TMPRSS11A: variants seen among roughly 807,000 people sequenced by gnomAD.
TMPRSS11A encodes transmembrane protease serine 11A.
A neutral mutation model predicts 58.9 loss-of-function variants in TMPRSS11A; 53 were observed. That is an observed-to-expected ratio of 0.90 (90% confidence interval 0.72 to 1.13). TMPRSS11A has a LOEUF of 1.13. TMPRSS11A is among the 50% of genes most tolerant of loss of function. The pLI is 0.00. For synonymous variants in TMPRSS11A, 167 were observed against 169.8 expected (o/e 0.98, Z 0.13); for missense variants, 493 against 499.3 (o/e 0.99, Z 0.12).
chr4:67,950,584 A>T (rs1721131648), intron 1 of TMPRSS11A, among the ~76,000 whole-genome samples: 1 of 152,214 alleles, frequency 6.6e-6, no homozygotes, highest in African/African-American at 2.4e-5. Context: ...AATAATTGGG[A>T]TAAAGTCTAT....
chr4:67,919,349 T>A (rs1720257611), intron 7 of TMPRSS11A, 117 bp from the exon 8 acceptor site: 2 of 923,272 alleles, frequency 2.2e-6, no homozygotes, highest in African/African-American at 3.3e-5. Flanking sequence ...TTGGCTGCAG[T>A]TATAGTTTTC....
intron 3 of TMPRSS11A, among the ~76,000 whole-genome samples, chr4:67,944,237 C>A (rs762753744): frequency 5.9e-5 from 9 of 152,054 alleles, no homozygotes; most frequent in Non-Finnish European, 1.0e-4. Flanking sequence ...GCTAGGATAT[C>A]TTGGCCTCAA....
chr4:67,961,397 CT>C (rs1174391743), intron 1 of TMPRSS11A, among the ~76,000 whole-genome samples: 1 of 151,820 alleles, frequency 6.6e-6, no homozygotes, highest in African/African-American at 2.4e-5. Flanking sequence ...ATGAATTTGG[CT>C]TAAAGAAACC....
intron 7 of TMPRSS11A, 139 bp from the exon 8 acceptor site, chr4:67,919,371 A>G: frequency 1.4e-6 from 1 of 725,448 alleles, no homozygotes; most frequent in Admixed American, 2.9e-5. Flanking sequence ...TTTATCATTT[A>G]AATATAATCT....
intron 3 of TMPRSS11A, among the ~76,000 whole-genome samples, chr4:67,941,425 T>G (rs1427412796): frequency 6.6e-6 from 1 of 152,176 alleles, no homozygotes; most frequent in Non-Finnish European, 1.5e-5. Flanking sequence ...TGGGAACCCT[T>G]GTTTGGTTTT....
At chr4:67,916,472 T>TACACACACACAC (rs34678013) in intron 8 of TMPRSS11A, among the ~76,000 whole-genome samples, 53 of 150,206 alleles carry the variant, frequency 3.5e-4, no homozygotes, top group African/African-American at 1.3e-3. Context: ...ATATATATTA[T>TACACACACACAC]ACACACACAC....
intron 3 of TMPRSS11A, among the ~76,000 whole-genome samples, chr4:67,939,601 T>C (rs1287346267): frequency 6.6e-6 from 1 of 152,184 alleles, no homozygotes; most frequent in Non-Finnish European, 1.5e-5. Context: ...CGATGCCTAG[T>C]CTAAGTGTTT....
intron 5 of TMPRSS11A, among the ~76,000 whole-genome samples, chr4:67,927,652 A>G (rs1446935949): frequency 6.6e-6 from 1 of 152,208 alleles, no homozygotes; most frequent in Admixed American, 6.5e-5. Flanking sequence ...ACTTGGGCAA[A>G]GGCACCAACC....
chr4:67,955,989 G>C (rs2109771233), intron 1 of TMPRSS11A, among the ~76,000 whole-genome samples: 1 of 152,252 alleles, frequency 6.6e-6, no homozygotes, highest in Middle Eastern at 3.4e-3. Flanking sequence ...CTGCCTTTTA[G>C]GGTCAGTAGA....
At chr4:67,961,062 CAG>C (rs1721410042) in intron 1 of TMPRSS11A, among the ~76,000 whole-genome samples, 1 of 152,160 alleles carries the variant, frequency 6.6e-6, no homozygotes, top group African/African-American at 2.4e-5. Context: ...AAAATTCAAA[CAG>C]ATTCACACCA....
chr4:67,913,110 T>G (rs557668543), intron 9 of TMPRSS11A, among the ~76,000 whole-genome samples: 1 of 152,314 alleles, frequency 6.6e-6, no homozygotes, highest in African/African-American at 2.4e-5. Flanking sequence ...TGATTCTTAC[T>G]GTTTGGTTCT....
At chr4:67,932,485 C>T (rs973203186) in intron 3 of TMPRSS11A, among the ~76,000 whole-genome samples, 3 of 152,176 alleles carry the variant, frequency 2.0e-5, no homozygotes, top group African/African-American at 7.2e-5. Flanking sequence ...TGAGCGTATA[C>T]TACTTTTCCC....
At position 67,934,062 on chromosome 4, in the gene TMPRSS11A, G is replaced by A. The variant is rs535366982; in HGVS notation, c.253-2002C>T. Among the ~76,000 whole-genome samples, 442 of 152,272 alleles carry A rather than the reference G, an allele frequency of 2.9e-3. 1 individual carries two copies. Among genetic ancestry groups the A allele is most frequent in the Middle Eastern group, 0.024 (7 of 294 alleles). ...AAGATAGGAGCTGTAAAAATAACAT[G>A]AGAAGAATCTAGGCAGAAGTAACTT... On this transcript the variant is annotated intron_variant, in intron 3 of 9. Transcript: ENST00000508048.
At position 67,932,010 on chromosome 4, in the gene TMPRSS11A, G is replaced by T. The variant is rs1238845111; in HGVS notation, c.303C>A (p.Asn101Lys). 6.2e-7 allele frequency: 1 copy of T among 1,603,434 alleles called. No homozygotes were observed. Among genetic ancestry groups the T allele is most frequent in the South Asian group, 1.1e-5 (1 of 90,620 alleles). The change falls in exon 4 of 10, where the codon AAC becomes AAA. Residue 101 changes from asparagine (N) to lysine (K), a missense_variant. Asn to Lys is a moderately conservative substitution (Grantham distance 94). Coordinates refer to ENST00000508048, the MANE Select transcript of TMPRSS11A (RefSeq NM_001114387.2). ...DSAWKKNYIK[N>K]QVVRLTPEED... ...ATACATACGTCAGTCTGACTACTTGGTTCTTGATATAATTTTTCTTCCAGG... is the reference window on the plus strand; with the variant it reads ...ATACATACGTCAGTCTGACTACTTGTTTCTTGATATAATTTTTCTTCCAGG...
intron 7 of TMPRSS11A, among the ~76,000 whole-genome samples, chr4:67,920,551 T>TATATATATATATATATATA (rs58054364): frequency 1.1e-4 from 9 of 80,070 alleles, no homozygotes; most frequent in African/African-American, 4.1e-4. Context: ...ATATATATAT[T>TATATATATATATATATATA]TTTTTTTATA....
At chr4:67,917,765 G>A (rs558785083) in intron 8 of TMPRSS11A, among the ~76,000 whole-genome samples, 22 of 152,204 alleles carry the variant, frequency 1.4e-4, no homozygotes, top group African/African-American at 5.3e-4. Flanking sequence ...TTCCCACCAA[G>A]CCAAAGGGGA....
chr4:67,939,097 G>GT (rs1351527619), intron 3 of TMPRSS11A, among the ~76,000 whole-genome samples: 1 of 151,958 alleles, frequency 6.6e-6, no homozygotes. Context: ...TTTCAATAGT[G>GT]TTTTTTTATT....
intron 8 of TMPRSS11A, 50 bp downstream of exon 8, chr4:67,918,923 A>G (rs1348737672): frequency 1.9e-6 from 3 of 1,591,024 alleles, no homozygotes; most frequent in African/African-American, 2.7e-5. Flanking sequence ...ATGAAATCAC[A>G]TTGCCTTAGA....
intron 4 of TMPRSS11A, among the ~76,000 whole-genome samples, chr4:67,930,829 T>TTTTTCC (rs1265700805): frequency 1.1e-5 from 1 of 90,158 alleles, no homozygotes; most frequent in Non-Finnish European, 2.1e-5. Flanking sequence ...TTTTTTTTTT[T>TTTTTCC]ACAAAAAAAA....
Sources: gnomAD v4.1 joint callset for allele counts (sites outside exome capture counted in the v4.1 genomes callset) on GRCh38, gnomAD v4.1.1 for gene constraint, MANE v1.5 for transcripts, NCBI Gene and HGNC (gene_info 2026-07-23, HGNC 2026-07-21) for gene names.